PFKFB3: variants seen among roughly 807,000 people sequenced by gnomAD.
PFKFB3 encodes the protein 6-phosphofructo-2-kinase/fructose-2,6-biphosphatase 3.
Under a neutral mutation model 68.0 loss-of-function variants are expected in PFKFB3, and 33 were observed. The ratio of observed to expected loss-of-function variants is 0.49; its 90% CI spans 0.37 to 0.65. The LOEUF (loss-of-function observed/expected upper bound fraction) is 0.65. Ranked by LOEUF, PFKFB3 falls within the 30% of genes least tolerant of loss-of-function variation. The pLI is 0.00. For synonymous variants in PFKFB3, 315 were observed against 288.2 expected, an observed-to-expected ratio of 1.09 and a Z score of -0.94; for missense variants, 586 against 712.2, an observed-to-expected ratio of 0.82 and a Z score of 2.02.
At chr10:6,270,616 G>A in the PFKFB3 span, among the ~76,000 whole-genome samples, 5 of 152,128 alleles carry the variant, frequency 3.3e-5, no homozygotes, top group Non-Finnish European at 5.9e-5. Flanking sequence ...TGTTTCCTCT[G>A]GATAGTAAGG....
the PFKFB3 span, among the ~76,000 whole-genome samples, chr10:6,281,422 T>C: frequency 6.6e-6 from 1 of 151,844 alleles, no homozygotes. Context: ...GCCCAGACTG[T>C]GTAGTTTTGA....
At chr10:6,297,772 T>C in the PFKFB3 span, among the ~76,000 whole-genome samples, 1 of 152,326 alleles carries the variant, frequency 6.6e-6, no homozygotes, top group Admixed American at 6.5e-5. Flanking sequence ...TTGAGTAGGC[T>C]GACCTTTCCT....
intron 14 of PFKFB3, among the ~76,000 whole-genome samples, chr10:6,232,479 A>T (rs1845807069): frequency 6.6e-6 from 1 of 151,590 alleles, no homozygotes; most frequent in Admixed American, 6.6e-5. Flanking sequence ...CTCTGTTTTG[A>T]GCTGAGTCGA....
the PFKFB3 span, among the ~76,000 whole-genome samples, chr10:6,277,262 A>G: frequency 6.7e-6 from 1 of 150,178 alleles, no homozygotes; most frequent in East Asian, 2.0e-4. Flanking sequence ...GAGACAGAGT[A>G]TCGCTCTTTC....
At chr10:6,153,267 C>T (rs1426466686) in intron 1 of PFKFB3, among the ~76,000 whole-genome samples, 1 of 152,206 alleles carries the variant, frequency 6.6e-6, no homozygotes, top group Admixed American at 6.5e-5. Context: ...CCTGCGGGTG[C>T]CTACCCTCAT....
chr10:6,177,199 T>C (rs1842497904), intron 1 of PFKFB3, among the ~76,000 whole-genome samples: 1 of 152,196 alleles, frequency 6.6e-6, no homozygotes, highest in African/African-American at 2.4e-5. Context: ...TTGACCGGCT[T>C]CTGTGGTTTG....
intron 14 of PFKFB3, among the ~76,000 whole-genome samples, chr10:6,244,614 A>T (rs1846214040): frequency 1.3e-5 from 2 of 152,050 alleles, no homozygotes; most frequent in South Asian, 2.1e-4. Context: ...ACGGTAATAA[A>T]TTAGTTCTTT....
intron 13 of PFKFB3, among the ~76,000 whole-genome samples, chr10:6,225,765 A>G (rs1391727479): frequency 6.6e-6 from 1 of 151,178 alleles, no homozygotes; most frequent in Non-Finnish European, 1.5e-5. Context: ...GGGTCAGCGG[A>G]AGGGAGTCAG....
chr10:6,256,924 C>T (rs767061949), downstream of PFKFB3, among the ~76,000 whole-genome samples: 7 of 152,154 alleles, frequency 4.6e-5, no homozygotes, highest in African/African-American at 7.2e-5. Context: ...TAGACAAAAG[C>T]GTTCCAAATA....
rs372454974 is a variant in PFKFB3 at position 6,189,131 on chromosome 10, A to G, written c.17-24492A>G. ...TGGGATTACAGGCGTGAGCCACCGC[A>G]CCTGGCGATTTCCTTCCTTTTTAAG... On this transcript the variant is annotated intron_variant, in intron 1 of 14. Coordinates refer to the PFKFB3 transcript ENST00000379789. 6.0e-4 allele frequency among the ~76,000 whole-genome samples: 91 copies of G among 152,098 alleles called. 1 individual carries two copies. In the South Asian group the frequency reaches 0.012, roughly 20 times the overall value.
At chr10:6,208,011 G>T (rs926503085) in intron 1 of PFKFB3, among the ~76,000 whole-genome samples, 2 of 152,254 alleles carry the variant, frequency 1.3e-5, no homozygotes, top group African/African-American at 4.8e-5. Flanking sequence ...AGCAAAGGAG[G>T]GGGTATTAGT....
the PFKFB3 span, among the ~76,000 whole-genome samples, chr10:6,269,225 G>GT: frequency 0.16 from 22,040 of 139,574 alleles, 1,869 homozygotes; most frequent in Middle Eastern, 0.21. Flanking sequence ...TTATTTTTAC[G>GT]TTTTTTTTTT....
At chr10:6,210,330 C>CTTTGTTTT (rs1844086135) in intron 1 of PFKFB3, among the ~76,000 whole-genome samples, 1 of 56,946 alleles carries the variant, frequency 1.8e-5, no homozygotes, top group Admixed American at 2.2e-4. Context: ...AGGCGCCCCT[C>CTTTGTTTT]TCTTTGTTTT....
chr10:6,277,735 C>A, the PFKFB3 span: 1 of 423,712 alleles, frequency 2.4e-6, no homozygotes, highest in Non-Finnish European at 4.8e-6. Flanking sequence ...GATGCCAGCA[C>A]CACGCTTTCT....
In PFKFB3 at chr10:6,185,594, C is replaced by G. The variant is rs74114548; in HGVS notation, c.17-28029C>G. Among the ~76,000 whole-genome samples, 646 of 151,176 alleles carry G rather than the reference C, an allele frequency of 4.3e-3. 13 individuals are homozygous for G. The South Asian group carries it at 0.062, about 15-fold the overall frequency. ...CTCATCTGGGTCACTACCTGGCACT[C>G]AGGCCCTCACCCAGTTATACCAGAT... On this transcript the variant is annotated intron_variant, in intron 1 of 14. Coordinates refer to the PFKFB3 transcript ENST00000379789.
chr10:6,243,944 C>T (rs936440115), intron 14 of PFKFB3, among the ~76,000 whole-genome samples: 3 of 151,416 alleles, frequency 2.0e-5, no homozygotes, highest in Non-Finnish European at 4.4e-5. Context: ...AGGCTGGTCT[C>T]GAACTCCTGG....
In PFKFB3 at chr10:6,229,599, G is replaced by A. The variant is rs973077821; in HGVS notation, c.1515+3234G>A. The stretch of plus-strand genomic sequence containing the variant: ...CCCTTAACTTCCAGCTTCTTGGGGC[G>A]CACCCTCCATCCTCAGGGCCAGTGT... On this transcript the variant is annotated intron_variant, in intron 14 of 14. Transcript: ENST00000379775. The surrounding 1 kb of genome is among the most constrained non-coding windows in gnomAD (Gnocchi z 4.3). 1.2e-4 allele frequency among the ~76,000 whole-genome samples: 19 copies of A among 152,046 alleles called. No individual in the cohort carries two copies. The highest frequency in any genetic ancestry group is 2.1e-4 in the South Asian group (1 of 4,830).
intron 14 of PFKFB3, among the ~76,000 whole-genome samples, chr10:6,226,964 T>G (rs1198100599): frequency 6.6e-6 from 1 of 152,050 alleles, no homozygotes; most frequent in Non-Finnish European, 1.5e-5. Context: ...CGGGCGCCTG[T>G]AATCCCAGCT....
At chr10:6,318,324 A>G in the PFKFB3 span, among the ~76,000 whole-genome samples, 4 of 152,152 alleles carry the variant, frequency 2.6e-5, no homozygotes, top group Non-Finnish European at 5.9e-5. Context: ...GAGTGGGGAG[A>G]TTGGAGCATA....
Sources: gnomAD v4.1 joint callset for allele counts (sites outside exome capture counted in the v4.1 genomes callset) on GRCh38, gnomAD v4.1.1 for gene constraint, Gnocchi (gnomAD v3.1) non-coding constraint, MANE v1.5 for transcripts, NCBI Gene and HGNC (gene_info 2026-07-23, HGNC 2026-07-21) for gene names.